CHN2: variants seen among roughly 807,000 people sequenced by gnomAD.
CHN2 encodes chimerin 2.
A neutral mutation model predicts 56.3 loss-of-function variants in CHN2; 35 were observed. The ratio of observed to expected loss-of-function variants is 0.62; its 90% CI spans 0.47 to 0.82. The LOEUF (loss-of-function observed/expected upper bound fraction) is 0.82. Among genes scored for constraint, CHN2 ranks in the 40% least tolerant of loss-of-function variants. The pLI, the probability that CHN2 is intolerant of heterozygous loss-of-function variation, is 0.00. For synonymous variants in CHN2, 210 were observed against 212.8 expected (o/e 0.99, Z 0.12); for missense variants, 491 against 580.5 (o/e 0.85, Z 1.58).
At chr7:29,147,055 A>G (rs1478263208) in intron 2 of CHN2, 12 of 1,498,374 alleles carry the variant, frequency 8.0e-6, no homozygotes. Flanking sequence ...GTACCATTAT[A>G]CCCATTTTGC....
intron 7 of CHN2, among the ~76,000 whole-genome samples, chr7:29,487,572 T>C (rs1204622575): frequency 1.3e-5 from 2 of 152,130 alleles, no homozygotes; most frequent in Non-Finnish European, 2.9e-5. Context: ...CTCCAGGGAA[T>C]ACTCAGAACT....
intron 6 of CHN2, among the ~76,000 whole-genome samples, chr7:29,467,264 C>T (rs567661658): frequency 2.0e-5 from 3 of 152,208 alleles, no homozygotes; most frequent in East Asian, 1.9e-4. Flanking sequence ...ACTCTTTATC[C>T]ACATGGCCAA....
intron 1 of CHN2, among the ~76,000 whole-genome samples, chr7:29,202,705 C>T (rs374015063): frequency 1.3e-5 from 2 of 152,198 alleles, no homozygotes; most frequent in Non-Finnish European, 2.9e-5. Flanking sequence ...TGGATTTTAT[C>T]GGGCCCCATC....
chr7:29,483,927 G>A (rs1787652521), intron 7 of CHN2: 1 of 1,273,482 alleles, frequency 7.9e-7, no homozygotes, highest in African/African-American at 1.5e-5. Context: ...GGAGTGTTGG[G>A]AGGTTTAAAG....
chr7:29,454,732 C>G (rs544193574), intron 6 of CHN2, among the ~76,000 whole-genome samples: 69 of 152,246 alleles, frequency 4.5e-4, no homozygotes, highest in African/African-American at 1.7e-3. Context: ...AGCCACGTGG[C>G]CATCCTAACT....
intron 1 of CHN2, among the ~76,000 whole-genome samples, chr7:29,315,911 A>G (rs1470252871): frequency 6.6e-6 from 1 of 152,244 alleles, no homozygotes; most frequent in Non-Finnish European, 1.5e-5. Flanking sequence ...TGGACCATGC[A>G]TAAATTAGGA....
At chr7:29,329,712 T>G (rs1186072996) in intron 1 of CHN2, among the ~76,000 whole-genome samples, 3 of 152,262 alleles carry the variant, frequency 2.0e-5, no homozygotes, top group Non-Finnish European at 4.4e-5. Context: ...AAGTGCATTT[T>G]TATCATTGTT....
At chr7:29,165,287 C>T (rs944787838) in intron 2 of CHN2, among the ~76,000 whole-genome samples, 7 of 152,044 alleles carry the variant, frequency 4.6e-5, no homozygotes, top group Admixed American at 2.6e-4. Flanking sequence ...TTCATATTTT[C>T]TGCTATTTTA....
At chr7:29,204,040 A>G (rs1784342045) in intron 1 of CHN2, among the ~76,000 whole-genome samples, 1 of 151,252 alleles carries the variant, frequency 6.6e-6, no homozygotes, top group African/African-American at 2.4e-5. Flanking sequence ...GAAGCTGAGG[A>G]AACAAAGCAC....
At chr7:29,424,377 A>C (rs966165426) in intron 6 of CHN2, among the ~76,000 whole-genome samples, 4 of 152,288 alleles carry the variant, frequency 2.6e-5, no homozygotes, top group Non-Finnish European at 5.9e-5. Flanking sequence ...GTCCCTATTA[A>C]ACCAGGACAT....
chr7:29,156,180 C>A (rs987024111), intron 2 of CHN2, among the ~76,000 whole-genome samples: 2 of 152,126 alleles, frequency 1.3e-5, no homozygotes, highest in Non-Finnish European at 2.9e-5. Context: ...ATCTTCCATT[C>A]CCCCACTGGA....
rs145333344 is a variant in CHN2, at chr7:29,275,028, C to T, written c.50-79597C>T. Among the ~76,000 whole-genome samples, 107 of 152,220 alleles carry T rather than the reference C, an allele frequency of 7.0e-4. No individual in the cohort carries two copies. The East Asian group carries it at 0.017, about 25-fold the overall frequency. On this transcript the variant is annotated intron_variant, in intron 1 of 12. Transcript: ENST00000222792. Reference sequence around the variant, plus strand: ...TGTCCCCTGCTAAACCTAACTGTAGCGTGCAAGCCACACACTAGGGAATTA... The same window carrying T: ...TGTCCCCTGCTAAACCTAACTGTAGTGTGCAAGCCACACACTAGGGAATTA...
intron 6 of CHN2, among the ~76,000 whole-genome samples, chr7:29,459,628 G>C (rs1785005835): frequency 6.6e-6 from 1 of 152,150 alleles, no homozygotes; most frequent in South Asian, 2.1e-4. Context: ...TCCAGGAGCT[G>C]ACCCAGCCTC....
Position 29,504,807 on chromosome 7 carries a change from TGGCATTTGACA to T in CHN2, c.979_989del (p.Ala327ArgfsTer3). 2 of 1,612,556 alleles carry T rather than the reference TGGCATTTGACA, an allele frequency of 1.2e-6. No individual in the cohort carries two copies. The highest frequency in any genetic ancestry group is 1.7e-6 in the Non-Finnish European group (2 of 1,178,878). ...ACTGAACACATTGAAGATGTCAAAA[TGGCATTTGACA>T]GAGGTAAGCTTGTACTTTCTTGAAT... On this transcript the variant is annotated frameshift_variant, in exon 10 of 13. Coordinates refer to ENST00000222792, the MANE Select transcript of CHN2 (RefSeq NM_004067.4). LOFTEE classifies it high-confidence loss of function.
At chr7:29,206,791 A>T (rs1250589673) in intron 1 of CHN2, among the ~76,000 whole-genome samples, 1 of 152,164 alleles carries the variant, frequency 6.6e-6, no homozygotes, top group East Asian at 1.9e-4. Flanking sequence ...GCGATGCTGT[A>T]TACATGCTAC....
Position 29,512,599 on chromosome 7 carries a change from C to G in CHN2, c.1271C>G (p.Ala424Gly). The G allele has an allele frequency of 6.2e-7, 1 of 1,613,316 alleles. No homozygotes were observed. The highest frequency in any genetic ancestry group is 8.5e-7 in the Non-Finnish European group (1 of 1,179,772). ...AATGAAAAAGACAATTTCATGAATG[C>G]AGAAAATCTGGGGATCGTGTTTGGG... is the stretch of plus-strand genomic sequence containing the variant. Reference protein sequence around the residue: ...TMNEKDNFMNAENLGIVFGPT... With the variant: ...TMNEKDNFMNGENLGIVFGPT... The change falls in exon 13 of 13, where the codon GCA becomes GGA. Residue 424 changes from alanine (A) to glycine (G), a missense_variant. Ala to Gly is a moderately conservative substitution (Grantham distance 60). Coordinates refer to ENST00000222792, the MANE Select transcript of CHN2 (RefSeq NM_004067.4).
chr7:29,193,629 G>A (rs1167720621), upstream of CHN2: 2 of 152,178 alleles, frequency 1.3e-5, no homozygotes, highest in Non-Finnish European at 2.9e-5. Flanking sequence ...AAAAAAATCT[G>A]CATGGTATTT....
At chr7:29,195,672 C>T (rs188880813) in intron 1 of CHN2, among the ~76,000 whole-genome samples, 48 of 145,580 alleles carry the variant, frequency 3.3e-4, no homozygotes, top group African/African-American at 1.2e-3. Context: ...GAGAGAGACT[C>T]CTTAGAGATT....
chr7:29,468,133 C>T (rs1405415531), intron 6 of CHN2, among the ~76,000 whole-genome samples: 14 of 74,828 alleles, frequency 1.9e-4, no homozygotes, highest in East Asian at 1.3e-3. Flanking sequence ...AGAAACCAAA[C>T]GGACCCGCCC....
Sources: gnomAD v4.1 joint callset for allele counts (sites outside exome capture counted in the v4.1 genomes callset) on GRCh38, gnomAD v4.1.1 for gene constraint, MANE v1.5 for transcripts, NCBI Gene and HGNC (gene_info 2026-07-23, HGNC 2026-07-21) for gene names.